DERA: variants seen among roughly 807,000 people sequenced by gnomAD.
DERA encodes the protein 2-deoxy-D-ribose 5-phosphate aldolase.
Under a neutral mutation model 41.1 loss-of-function variants are expected in DERA, and 15 were observed. That is an observed-to-expected ratio of 0.37 (90% CI 0.24 to 0.56). The LOEUF (loss-of-function observed/expected upper bound fraction) is 0.56, where lower values mean the gene tolerates loss of function less well. Among genes scored for constraint, DERA ranks in the 20% least tolerant of loss-of-function variants. The pLI is 0.81. For missense variants in DERA, 396 were observed against 403.4 expected, an observed-to-expected ratio of 0.98 and a Z score of 0.16; for synonymous variants, 139 against 137.4, an observed-to-expected ratio of 1.01 and a Z score of -0.08.
chr12:15,927,753 TTTA>T (rs1273002343), intron 1 of DERA, among the ~76,000 whole-genome samples: 2 of 152,204 alleles, frequency 1.3e-5, no homozygotes, highest in African/African-American at 4.8e-5. Flanking sequence ...TTTTGTATGT[TTTA>T]TTATTCATAT....
chr12:15,911,340 G>A lies in DERA; in HGVS notation c.-44G>A, dbSNP rs760629813. 17 of 1,440,726 alleles carry A rather than the reference G, an allele frequency of 1.2e-5. No individual in the cohort carries two copies. In the East Asian group the frequency reaches 4.5e-4, roughly 38 times the overall value. 89.2% of individuals were successfully genotyped at this position (1,440,726 alleles called of 1,614,324 possible). ...AGGAGGAAGGGCCGGGCGCGGCGCA[G>A]AGGCGGGCGCCTACCAGCCGGCAGC... On this transcript the variant is annotated 5_prime_UTR_variant, in exon 1 of 9. Transcript: ENST00000428559. The surrounding 1 kb of genome is among the most constrained non-coding windows in gnomAD (Gnocchi z 4.5).
rs751002186 is a variant in DERA at position 16,003,415 on chromosome 12, A to G, written c.637+20979A>G. On this transcript the variant is annotated intron_variant, in intron 6 of 8. Transcript: ENST00000428559. This position sits in a 1 kb window ranked among gnomAD's most constrained non-coding sequence, Gnocchi z 4.8. ...CCACCTATGAATTTTGGGGGGCTCCAGTTCAATCCACAACAAATGAGTTCA... is the reference window on the plus strand; with the variant it reads ...CCACCTATGAATTTTGGGGGGCTCCGGTTCAATCCACAACAAATGAGTTCA... Among the ~76,000 whole-genome samples the G allele has an allele frequency of 2.6e-5, 4 of 152,184 alleles. No homozygotes were observed. Among genetic ancestry groups the G allele is most frequent in the Admixed American group, 6.5e-5 (1 of 15,276 alleles).
intron 5 of DERA, among the ~76,000 whole-genome samples, chr12:15,968,650 C>T (rs1948640046): frequency 6.6e-6 from 1 of 152,248 alleles, no homozygotes; most frequent in African/African-American, 2.4e-5. Flanking sequence ...AGGTTCTTCT[C>T]TGTGCTTTCT....
In DERA at chr12:15,921,688, G is replaced by T. The variant is rs1948245191; in HGVS notation, c.31+10274G>T. 6.6e-6 allele frequency among the ~76,000 whole-genome samples: 1 copy of T among 152,098 alleles called. No homozygotes were observed. Among genetic ancestry groups the T allele is most frequent in the African/African-American group, 2.4e-5 (1 of 41,418 alleles). On this transcript the variant is annotated intron_variant, in intron 1 of 8. Coordinates refer to ENST00000428559, the MANE Select transcript of DERA (RefSeq NM_015954.4). The surrounding 1 kb of genome is among the most constrained non-coding windows in gnomAD (Gnocchi z 5.3). ...TGTAATCCCAGCATTTTGGGAATCTGAGGTGGGCAGATCATCTGAGTTCAG... is the reference window on the plus strand; with the variant it reads ...TGTAATCCCAGCATTTTGGGAATCTTAGGTGGGCAGATCATCTGAGTTCAG...
intron 5 of DERA, among the ~76,000 whole-genome samples, chr12:15,971,150 A>T (rs1166880600): frequency 6.6e-6 from 1 of 152,204 alleles, no homozygotes; most frequent in African/African-American, 2.4e-5. Context: ...TGTTCAGATG[A>T]CATAAATTTC....
chr12:15,916,926 T>TA (rs1045657360), intron 1 of DERA, among the ~76,000 whole-genome samples: 21 of 152,028 alleles, frequency 1.4e-4, no homozygotes, highest in Non-Finnish European at 4.4e-5. Context: ...TTCTTTAGGT[T>TA]AAAAAAAATT....
At position 15,915,357 on chromosome 12, in the gene DERA, A is replaced by G. The variant is rs1017412831; in HGVS notation, c.31+3943A>G. On this transcript the variant is annotated intron_variant, in intron 1 of 8. Coordinates refer to ENST00000428559, the MANE Select transcript of DERA (RefSeq NM_015954.4). The surrounding 1 kb of genome is among the most constrained non-coding windows in gnomAD (Gnocchi z 4.8). ...GGAGCTCATTTTTGGCATTCCTGCT[A>G]AAGTATAACTTGGGTACAGAATGTT... is the stretch of plus-strand genomic sequence containing the variant. Among the ~76,000 whole-genome samples, 1 of 152,228 alleles carries G rather than the reference A, an allele frequency of 6.6e-6. No homozygotes were observed. The highest frequency in any genetic ancestry group is 2.4e-5 in the African/African-American group (1 of 41,468).
At chr12:15,973,741 A>G (rs1254448697) in intron 5 of DERA, among the ~76,000 whole-genome samples, 1 of 152,096 alleles carries the variant, frequency 6.6e-6, no homozygotes, top group Non-Finnish European at 1.5e-5. Context: ...ATATTTATTA[A>G]TATAGAAATA....
intron 7 of DERA, among the ~76,000 whole-genome samples, chr12:16,034,664 C>T (rs1949115106): frequency 6.6e-6 from 1 of 152,016 alleles, no homozygotes; most frequent in Admixed American, 6.6e-5. Flanking sequence ...GATAGGCTAG[C>T]TTCCAGACCA....
chr12:16,031,196 C>T (rs1030561781), intron 6 of DERA, among the ~76,000 whole-genome samples: 11 of 152,242 alleles, frequency 7.2e-5, no homozygotes, highest in African/African-American at 2.7e-4. Context: ...CTCCTGACTT[C>T]TAGCTCATTT....
At position 16,036,211 on chromosome 12, in the gene DERA, A is replaced by G. The variant is rs770979618; in HGVS notation, c.751-21A>G. The G allele has an allele frequency of 4.4e-6, 7 of 1,581,318 alleles. No homozygotes were observed. Among genetic ancestry groups the G allele is most frequent in the South Asian group, 1.2e-5 (1 of 85,896 alleles). ...ATCCAATAACAATAAAGATTGTTCT[A>G]TTCTCTGCCTTCCCATTTAGATAGG... On this transcript the variant is annotated intron_variant, in intron 7 of 8. Transcript: ENST00000428559. The surrounding 1 kb of genome is among the most constrained non-coding windows in gnomAD (Gnocchi z 4.9).
intron 6 of DERA, among the ~76,000 whole-genome samples, chr12:16,028,386 C>T (rs2136188225): frequency 6.6e-6 from 1 of 152,286 alleles, no homozygotes; most frequent in African/African-American, 2.4e-5. Context: ...AAATAAATAT[C>T]TTCAAGTGTA....
intron 5 of DERA, among the ~76,000 whole-genome samples, chr12:15,969,425 T>C (rs1319179827): frequency 6.6e-6 from 1 of 152,238 alleles, no homozygotes. Context: ...CATTCCACAC[T>C]GGAGCACCAG....
At chr12:15,934,402 C>T (rs959536587) in intron 1 of DERA, among the ~76,000 whole-genome samples, 6 of 152,008 alleles carry the variant, frequency 3.9e-5, no homozygotes, top group South Asian at 2.1e-4. Context: ...CTGGCTAACA[C>T]GGCGAAACCC....
chr12:15,946,658 G>T (rs1401949219), intron 1 of DERA, among the ~76,000 whole-genome samples: 4 of 151,166 alleles, frequency 2.6e-5, no homozygotes, highest in Non-Finnish European at 5.9e-5. Flanking sequence ...CAATTTTGTT[G>T]ATCTTTTCAA....
rs1352372019 is a variant in DERA, at chr12:15,994,397, A to C, written c.637+11961A>C. 6.6e-6 allele frequency among the ~76,000 whole-genome samples: 1 copy of C among 152,242 alleles called. No homozygotes were observed. The highest frequency in any genetic ancestry group is 2.4e-5 in the African/African-American group (1 of 41,462). ...TATTCCTTTATCTGTAATTCCTAGC[A>C]TATTAACTCTTGGTTATTTATTCCT... On this transcript the variant is annotated intron_variant, in intron 6 of 8. Transcript: ENST00000428559. This position sits in a 1 kb window ranked among gnomAD's most constrained non-coding sequence, Gnocchi z 4.8.
rs1408426433 is a variant in DERA at position 15,992,845 on chromosome 12, C to T, written c.637+10409C>T. Among the ~76,000 whole-genome samples the T allele has an allele frequency of 2.0e-5, 3 of 152,136 alleles. No individual in the cohort carries two copies. Among genetic ancestry groups the T allele is most frequent in the Non-Finnish European group, 2.9e-5 (2 of 68,008 alleles). On this transcript the variant is annotated intron_variant, in intron 6 of 8. Coordinates refer to ENST00000428559, the MANE Select transcript of DERA (RefSeq NM_015954.4). The surrounding 1 kb of genome is among the most constrained non-coding windows in gnomAD (Gnocchi z 4.3). ...CACACACTCAACAGTTAACAAGCTC[C>T]GCTCTGAAGTTATTCTAGACCTTAT...
intron 1 of DERA, among the ~76,000 whole-genome samples, chr12:15,947,737 T>C (rs560015368): frequency 6.6e-6 from 1 of 152,316 alleles, no homozygotes; most frequent in African/African-American, 2.4e-5. Flanking sequence ...CTGTGTGAAT[T>C]TGATCCCGTC....
intron 5 of DERA, among the ~76,000 whole-genome samples, chr12:15,964,477 T>G (rs564619617): frequency 6.6e-6 from 1 of 152,234 alleles, no homozygotes; most frequent in Non-Finnish European, 1.5e-5. Flanking sequence ...TTTTTGTGAT[T>G]GTTCATGTGT....
Sources: allele counts gnomAD v4.1 joint callset (sites outside exome capture counted in the v4.1 genomes callset), GRCh38; gene constraint gnomAD v4.1.1; non-coding constraint Gnocchi (gnomAD v3.1); transcripts MANE v1.5; gene names NCBI Gene and HGNC (gene_info 2026-07-23, HGNC 2026-07-21).